Variants in HERC2 observed in about 807,000 individuals in gnomAD.
HERC2 encodes the protein HECT and RLD domain containing E3 ubiquitin protein ligase 2, also known as E3 ubiquitin-protein ligase HERC2.
Under a neutral mutation model 537.7 loss-of-function variants are expected in HERC2, and 102 were observed. That is an observed-to-expected ratio of 0.19 (90% confidence interval 0.16 to 0.22). The LOEUF (loss-of-function observed/expected upper bound fraction) is 0.22. Ranked by LOEUF, HERC2 falls within the 10% of genes least tolerant of loss-of-function variation. The pLI is 1.00. For synonymous variants in HERC2, 2,224 were observed against 2,466.2 expected (o/e 0.90, Z 2.91); for missense variants, 4,236 against 6,198.2 (o/e 0.68, Z 10.63).
At chr15:28,212,249 T>C (rs1899328301) in intron 43 of HERC2, among the ~76,000 whole-genome samples, 196 bp downstream of exon 43, 1 of 152,166 alleles carries the variant, frequency 6.6e-6, no homozygotes, top group African/African-American at 2.4e-5. Context: ...GCTCCGAACA[T>C]GGCGACAAAA....
chr15:28,283,813 T>C (rs2076084979), intron 4 of HERC2, among the ~76,000 whole-genome samples: 1 of 152,200 alleles, frequency 6.6e-6, no homozygotes, highest in African/African-American at 2.4e-5. Flanking sequence ...TCTATATCCC[T>C]GAAGCTGGTA....
intron 70 of HERC2, among the ~76,000 whole-genome samples, chr15:28,149,877 A>C (rs1363695539): frequency 6.6e-6 from 1 of 152,058 alleles, no homozygotes; most frequent in African/African-American, 2.4e-5. Flanking sequence ...AATTACCAAA[A>C]AAACACATGC....
rs147216292 is a variant in HERC2 at position 28,182,508 on chromosome 15, T to C, written c.8830A>G (p.Ile2944Val). The change falls in exon 57 of 93, where the codon ATT (isoleucine) becomes GTT (valine). Residue 2944 changes from isoleucine to valine, a missense_variant. Physicochemically the swap from Ile to Val is conservative, Grantham distance 29. This residue lies in a region of HERC2 where 606 missense variants were observed against 884.5 expected (regional missense o/e 0.69). Coordinates refer to ENST00000261609, the MANE Select transcript of HERC2 (RefSeq NM_004667.6). Reference sequence around the variant, plus strand: ...TCCAGCCCAGCAGCCTTCTTTCTAATGAGGCTAACCAAACGGAAAAAAAAA... The same window carrying C: ...TCCAGCCCAGCAGCCTTCTTTCTAACGAGGCTAACCAAACGGAAAAAAAAA... ...EDEKGNSGSL[I>V]RKKAAGLESA... 1.4e-4 allele frequency: 222 copies of C among 1,605,174 alleles called. No homozygotes were observed. Among genetic ancestry groups the C allele is most frequent in the Non-Finnish European group, 1.7e-4 (205 of 1,173,398 alleles).
In HERC2 at chr15:28,119,378, C is replaced by T. The variant is rs541306558; in HGVS notation, c.13272+1968G>A. ...TTGCACCACTGTACTCCAGGCTGGG[C>T]GACAGAACAAGACTCCCTCTCAAAA... On this transcript the variant is annotated intron_variant, in intron 86 of 92. Coordinates refer to ENST00000261609, the MANE Select transcript of HERC2 (RefSeq NM_004667.6). 1.4e-3 allele frequency among the ~76,000 whole-genome samples: 202 copies of T among 140,226 alleles called. 4 individuals are homozygous for T. In the South Asian group the frequency reaches 0.027, roughly 18 times the overall value. 92.0% of individuals were successfully genotyped at this position (140,226 alleles called of 152,430 possible). A position where few individuals can be genotyped will look rare whatever the true frequency, so the allele number is the denominator to read the frequency against.
intron 35 of HERC2, among the ~76,000 whole-genome samples, chr15:28,224,094 ATATT>A (rs1900819852): frequency 6.6e-6 from 1 of 152,054 alleles, no homozygotes; most frequent in African/African-American, 2.4e-5. Context: ...ATTAAAATAT[ATATT>A]TAACACAACA....
At chr15:28,146,137 T>G (rs1402438426) in intron 71 of HERC2, 100 bp downstream of exon 71, 3 of 811,194 alleles carry the variant, frequency 3.7e-6, no homozygotes, top group Admixed American at 2.2e-5. Flanking sequence ...AAGACTTCCA[T>G]GAGAATACGA....
intron 88 of HERC2, among the ~76,000 whole-genome samples, chr15:28,116,306 C>T (rs1182783851): frequency 2.0e-5 from 3 of 151,678 alleles, no homozygotes; most frequent in Admixed American, 1.3e-4. Context: ...CTCCGCCTCC[C>T]GGGTTCAAGC....
At chr15:28,134,332 C>T (rs1268724233) in intron 79 of HERC2, among the ~76,000 whole-genome samples, 5 of 152,202 alleles carry the variant, frequency 3.3e-5, no homozygotes, top group African/African-American at 1.2e-4. Context: ...TCCCGCAACA[C>T]TGCTAGCCTC....
At chr15:28,114,246 G>T (rs937227303) in intron 90 of HERC2, among the ~76,000 whole-genome samples, 1 of 152,214 alleles carries the variant, frequency 6.6e-6, no homozygotes, top group African/African-American at 2.4e-5. Context: ...CTGGGCGCCT[G>T]GCAAAGGCTG....
In HERC2 at chr15:28,222,500, T is replaced by A. The variant is rs1416057785; in HGVS notation, c.5465-285A>T. Among the ~76,000 whole-genome samples, 5 of 152,126 alleles carry A rather than the reference T, an allele frequency of 3.3e-5. No homozygotes were observed. The highest frequency in any genetic ancestry group is 1.9e-4 in the East Asian group (1 of 5,190). On this transcript the variant is annotated intron_variant, in intron 35 of 92. Coordinates refer to ENST00000261609, the MANE Select transcript of HERC2 (RefSeq NM_004667.6). ...AATTACTCCCCCCAAAAAAGCAAAA[T>A]AACTAAGTTAGAAAGATATTCATCA...
intron 26 of HERC2, among the ~76,000 whole-genome samples, chr15:28,235,280 G>A (rs1269651035): frequency 6.6e-6 from 1 of 152,012 alleles, no homozygotes; most frequent in African/African-American, 2.4e-5. Flanking sequence ...CCTCCTTACT[G>A]CTCCAAGATA....
At chr15:28,232,443 G>T (rs1238767976) in intron 30 of HERC2, among the ~76,000 whole-genome samples, 1 of 151,968 alleles carries the variant, frequency 6.6e-6, no homozygotes, top group Non-Finnish European at 1.5e-5. Flanking sequence ...CAGCTACTTG[G>T]AAGGCTGAGG....
At chr15:28,229,090 C>T in intron 34 of HERC2, 105 bp downstream of exon 34, 1 of 1,081,396 alleles carries the variant, frequency 9.2e-7, no homozygotes, top group South Asian at 1.3e-5. Context: ...AAAGTACAAA[C>T]TTTAATTAAA....
At chr15:28,144,053 T>A (rs1361194362) in intron 73 of HERC2, 24 bp downstream of exon 73, 4 of 1,614,086 alleles carry the variant, frequency 2.5e-6, no homozygotes, top group Middle Eastern at 1.6e-4. Flanking sequence ...GGAAGACAGA[T>A]GTAACTGTAA....
In HERC2 at chr15:28,146,322, T is replaced by C; in HGVS notation, c.10923A>G (p.Glu3641=). The C allele has an allele frequency of 6.2e-7, 1 of 1,613,944 alleles. No individual in the cohort carries two copies. Among genetic ancestry groups the C allele is most frequent in the Non-Finnish European group, 8.5e-7 (1 of 1,179,916 alleles). Residue 3641 remains glutamate (E), a synonymous_variant, in exon 71 of 93, where the codon GAA becomes GAG. Transcript: ENST00000261609. ...TCTCTGTGGAGCACTGCCGGTCAAA[T>C]TCTACCCTGAGTCCTTCTGCACCTG... ...KIPGAEGLRV[E]FDRQCSTERR... is the part of the protein sequence containing the mutation.
intron 21 of HERC2, among the ~76,000 whole-genome samples, 175 bp from the exon 22 acceptor site, chr15:28,247,072 G>A (rs979284086): frequency 1.3e-5 from 2 of 152,152 alleles, no homozygotes; most frequent in Non-Finnish European, 2.9e-5. Flanking sequence ...TGACTGGAGG[G>A]ACAGGGTTTT....
chr15:28,259,969 CAAAAAA>C (rs35995546), intron 16 of HERC2, among the ~76,000 whole-genome samples: 4 of 67,564 alleles, frequency 5.9e-5, no homozygotes, highest in Non-Finnish European at 1.0e-4. Context: ...CTCCATCTGG[CAAAAAA>C]AAAAAAAAAA....
At chr15:28,308,549 C>T (rs188008582) in intron 2 of HERC2, among the ~76,000 whole-genome samples, 1 of 152,140 alleles carries the variant, frequency 6.6e-6, no homozygotes, top group African/African-American at 2.4e-5. Context: ...ATTTCTTTCT[C>T]TTGTCTGATT....
chr15:28,129,563 G>A (rs749339992), intron 83 of HERC2, among the ~76,000 whole-genome samples: 3 of 152,190 alleles, frequency 2.0e-5, no homozygotes, highest in Admixed American at 6.5e-5. Flanking sequence ...GATCCCTCCC[G>A]AAACCCAGGT....
Sources: allele counts gnomAD v4.1 joint callset (sites outside exome capture counted in the v4.1 genomes callset), GRCh38; gene constraint gnomAD v4.1.1; regional missense constraint gnomAD v4.1.1; transcripts MANE v1.5; gene names NCBI Gene and HGNC (gene_info 2026-07-23, HGNC 2026-07-21).